ADPRS: variants seen among roughly 807,000 people sequenced by gnomAD.
The protein encoded by ADPRS is ADP-ribosylhydrolase ARH3.
In ADPRS, 25 loss-of-function variants were observed where a neutral mutation model predicts 32.1. The observed-to-expected ratio is 0.78, with a 90% CI of 0.57 to 1.09. ADPRS has a LOEUF of 1.09. ADPRS is among the 50% of genes least tolerant of loss of function. The pLI, the probability that ADPRS is intolerant of heterozygous loss-of-function variation, is 0.00. For synonymous variants in ADPRS, 225 were observed against 201.0 expected, an observed-to-expected ratio of 1.12 and a Z score of -1.01; for missense variants, 482 against 480.6, an observed-to-expected ratio of 1.00 and a Z score of -0.03.
At chr1:36,092,785 T>C (rs1557734137) in intron 5 of ADPRS, among the ~76,000 whole-genome samples, 1 of 152,246 alleles carries the variant, frequency 6.6e-6, no homozygotes, top group Non-Finnish European at 1.5e-5. Flanking sequence ...GCATCTATAC[T>C]GGGCGTTGTG....
rs1388632020 is a variant in ADPRS, at chr1:36,093,205, C to T, written c.911C>T (p.Thr304Ile). 3 of 1,614,098 alleles carry T rather than the reference C, an allele frequency of 1.9e-6. No individual in the cohort carries two copies. In the African/African-American group the frequency reaches 4.0e-5, roughly 22 times the overall value. Residue 304 changes from threonine to isoleucine, a missense_variant, in exon 6 of 6, where the codon ACT becomes ATT. Thr to Ile is a moderately conservative substitution (Grantham distance 89, BLOSUM62 -1). Coordinates refer to ENST00000373178, the MANE Select transcript of ADPRS (RefSeq NM_017825.3). The stretch of plus-strand genomic sequence containing the variant: ...TCTGCCTTCAATAGCCTCCAAAGGA[C>T]TCTCATTTATTCCATCTCACTTGGT... ...IPSAFNSLQRTLIYSISLGGD... is the reference protein window; with the variant it reads ...IPSAFNSLQRILIYSISLGGD...
intron 1 of ADPRS, 94 bp downstream of exon 1, chr1:36,089,209 A>T: frequency 7.5e-7 from 1 of 1,326,268 alleles, no homozygotes; most frequent in Non-Finnish European, 9.7e-7. Context: ...GTGCGCGGGG[A>T]TGAGGCTGCC....
chr1:36,089,244 TGACCCG>T, intron 1 of ADPRS, 129 bp downstream of exon 1: 6 of 1,086,002 alleles, frequency 5.5e-6, no homozygotes, highest in Non-Finnish European at 7.4e-6. Context: ...CAGAGCCGGA[TGACCCG>T]CAGACAGCTT....
intron 1 of ADPRS, among the ~76,000 whole-genome samples, chr1:36,089,365 G>A (rs1643446728): frequency 6.6e-6 from 1 of 152,230 alleles, no homozygotes; most frequent in Non-Finnish European, 1.5e-5. Flanking sequence ...TGCAGGGTGT[G>A]GATAAACCCA....
Position 36,091,944 on chromosome 1 carries a change from C to A in ADPRS, c.551C>A (p.Ser184Tyr). ...CTCTCGGCCCAGCTGACACACGCCT[C>A]CTCCCTGGGTTACAATGGCGCCATC... is the stretch of plus-strand genomic sequence containing the variant. The part of the protein sequence containing the change: ...ARLSAQLTHA[S>Y]SLGYNGAILQ... Residue 184 changes from serine to tyrosine, a missense_variant, in exon 4 of 6, where the codon TCC (serine) becomes TAC (tyrosine). Physicochemically the swap from Ser to Tyr is moderately radical, Grantham distance 144 (BLOSUM62 -2). Transcript: ENST00000373178. The A allele has an allele frequency of 6.2e-7, 1 of 1,611,012 alleles. No homozygotes were observed. Among genetic ancestry groups the A allele is most frequent in the East Asian group, 2.2e-5 (1 of 44,794 alleles).
chr1:36,092,665 G>A (rs931711324), intron 5 of ADPRS, 143 bp downstream of exon 5: 1 of 737,512 alleles, frequency 1.4e-6, no homozygotes, highest in Non-Finnish European at 2.3e-6. Context: ...GTTGAGCTCA[G>A]CGCTTCTTGC....
At chr1:36,092,220 A>C in intron 4 of ADPRS, 126 bp downstream of exon 4, 2 of 1,336,578 alleles carry the variant, frequency 1.5e-6, no homozygotes. Context: ...AAGCCCCTTT[A>C]TCTTGTCTAT....
intron 1 of ADPRS, 22 bp from the exon 2 acceptor site, chr1:36,091,222 A>AT: frequency 5.0e-6 from 8 of 1,594,398 alleles, no homozygotes; most frequent in Non-Finnish European, 6.9e-6. Flanking sequence ...GGAGGCTCTC[A>AT]TCCTCCCTCC....
Position 36,093,496 on chromosome 1 carries a change from G to C in ADPRS, c.*110G>C. On this transcript the variant is annotated 3_prime_UTR_variant, in exon 6 of 6. Transcript: ENST00000373178. ...GGCTTCCCACTTTTCCTGCATTGTG[G>C]AGCTGACTGAGTACACCGGTGAGGC... The C allele has an allele frequency of 7.1e-7, 1 of 1,404,422 alleles. No homozygotes were observed. Among genetic ancestry groups the C allele is most frequent in the Non-Finnish European group, 9.7e-7 (1 of 1,035,958 alleles). 87.0% of individuals were successfully genotyped at this position (1,404,422 alleles called of 1,614,324 possible).
Position 36,091,340 on chromosome 1 carries a change from G to A in ADPRS, c.308G>A (p.Arg103Lys), listed in dbSNP as rs1643480784. 1.2e-6 allele frequency: 2 copies of A among 1,614,054 alleles called. No homozygotes were observed. The highest frequency in any genetic ancestry group is 1.7e-6 in the Non-Finnish European group (2 of 1,179,956). Residue 103 changes from arginine to lysine, a missense_variant and splice_region_variant, in exon 2 of 6, where the codon AGA (arginine) becomes AAA (lysine). By Grantham distance (26) the Arg-to-Lys change is conservative. Transcript: ENST00000373178. ...TTTGACGAGGTGGACATGGCTCACA[G>A]GTGAGGGGGATGGTCCTGGGCTGAG... ...EAFDEVDMAH[R>K]FAQEYKKDPD...
In ADPRS at chr1:36,091,906, C is replaced by G. The variant is rs1367907346; in HGVS notation, c.517-4C>G. 3.8e-6 allele frequency: 6 copies of G among 1,599,918 alleles called. No individual in the cohort carries two copies. The East Asian group carries it at 6.7e-5, about 18-fold the overall frequency. The stretch of plus-strand genomic sequence containing the variant: ...TCTGTGACAGCAGGTCTCCTCCTCC[C>G]TAGTTTGCCCGGCTCTCGGCCCAGC... On this transcript the variant is annotated splice_polypyrimidine_tract_variant and splice_region_variant and intron_variant, in intron 3 of 5. Transcript: ENST00000373178.
Position 36,092,615 on chromosome 1 carries a change from A to G in ADPRS, c.802+93A>G, listed in dbSNP as rs551496308. ...AGCATGGAGTCATGCCTGCCGTCGC[A>G]TTGTACCCTGGGCTGCTGTGACACG... On this transcript the variant is annotated intron_variant, in intron 5 of 5. Transcript: ENST00000373178. 22 of 1,192,132 alleles carry G rather than the reference A, an allele frequency of 1.8e-5. No individual in the cohort carries two copies. The Admixed American group carries it at 3.7e-4, about 20-fold the overall frequency. 73.8% of individuals were successfully genotyped at this position (1,192,132 alleles called of 1,614,324 possible). A position where few individuals can be genotyped will look rare whatever the true frequency, so the allele number is the denominator to read the frequency against.
Position 36,089,253 on chromosome 1 carries a change from G to C in ADPRS, c.211+138G>C. Reference sequence around the variant, plus strand: ...CGGGGCCAGAGCCGGATGACCCGCAGACAGCTTGAGCTCAGCGAGTGCCAG... The same window carrying C: ...CGGGGCCAGAGCCGGATGACCCGCACACAGCTTGAGCTCAGCGAGTGCCAG... On this transcript the variant is annotated intron_variant, in intron 1 of 5. Transcript: ENST00000373178. The C allele has an allele frequency of 3.0e-6, 3 of 1,006,978 alleles. No homozygotes were observed. The South Asian group carries it at 6.5e-5, about 22-fold the overall frequency. The allele number at this position is 1,006,978 out of a possible 1,614,324, so 62.4% of individuals were successfully genotyped here. A position where few individuals can be genotyped will look rare whatever the true frequency, so the allele number is the denominator to read the frequency against.
At chr1:36,090,681 A>AAAAG in intron 1 of ADPRS, among the ~76,000 whole-genome samples, 1 of 107,306 alleles carries the variant, frequency 9.3e-6, no homozygotes, top group East Asian at 7.6e-4. Flanking sequence ...CATCTCTACA[A>AAAAG]AAAAAAAAAA....
intron 1 of ADPRS, among the ~76,000 whole-genome samples, chr1:36,090,036 A>G (rs575719296): frequency 2.0e-5 from 3 of 152,298 alleles, no homozygotes; most frequent in East Asian, 1.9e-4. Context: ...GGAAGGAAAC[A>G]GTTTGATAGG....
intron 2 of ADPRS, 48 bp downstream of exon 2, chr1:36,091,388 T>TGCACCCCTTGA: frequency 6.5e-7 from 1 of 1,549,532 alleles, no homozygotes; most frequent in Non-Finnish European, 8.9e-7. Flanking sequence ...GGAAAGTTAT[T>TGCACCCCTTGA]GCACCCCTTG....
chr1:36,092,673 T>G, intron 5 of ADPRS, 151 bp downstream of exon 5: 1 of 709,850 alleles, frequency 1.4e-6, no homozygotes, highest in Non-Finnish European at 2.4e-6. Flanking sequence ...CAGCGCTTCT[T>G]GCTCTGAAGC....
In ADPRS at chr1:36,093,166, A is replaced by AC; in HGVS notation, c.875dup (p.Glu293Ter). The AC allele has an allele frequency of 6.2e-7, 1 of 1,614,204 alleles. No homozygotes were observed. The highest frequency in any genetic ancestry group is 8.5e-7 in the Non-Finnish European group (1 of 1,180,048). ...TGCTTCCTACGCTGCATGGAGCCAGACCCTGAGATCCCTTCTGCCTTCAAT... is the reference window on the plus strand; with the variant it reads ...TGCTTCCTACGCTGCATGGAGCCAGACCCCTGAGATCCCTTCTGCCTTCAAT... On this transcript the variant is annotated frameshift_variant, in exon 6 of 6. Coordinates refer to ENST00000373178, the MANE Select transcript of ADPRS (RefSeq NM_017825.3). LOFTEE classifies it high-confidence loss of function.
At chr1:36,091,144 G>C (rs1461384027) in intron 1 of ADPRS, 100 bp from the exon 2 acceptor site, 2 of 902,184 alleles carry the variant, frequency 2.2e-6, no homozygotes, top group Admixed American at 2.1e-5. Context: ...ACTCCAGTCT[G>C]GGCAACAGAG....
Sources: allele counts gnomAD v4.1 joint callset (sites outside exome capture counted in the v4.1 genomes callset), GRCh38; gene constraint gnomAD v4.1.1; transcripts MANE v1.5; gene names NCBI Gene and HGNC (gene_info 2026-07-23, HGNC 2026-07-21).